The following ATP10B variants were observed in gnomAD, a reference collection of about 807,000 sequenced individuals.
ATP10B encodes the protein phospholipid-transporting ATPase VB.
A neutral mutation model predicts 141.2 loss-of-function variants in ATP10B; 122 were observed. That is an observed-to-expected ratio of 0.86 (90% confidence interval 0.75 to 1.00). ATP10B has a LOEUF of 1.00. Ranked by LOEUF, ATP10B falls within the 50% of genes least tolerant of loss-of-function variation. ATP10B has a pLI of 0.00. For synonymous variants in ATP10B, 685 were observed against 692.0 expected (o/e 0.99, Z 0.16); for missense variants, 1,876 against 1,825.3 (o/e 1.03, Z -0.51).
chr5:160,772,545 G>C (rs1769983331), intron 2 of ATP10B, among the ~76,000 whole-genome samples: 1 of 152,174 alleles, frequency 6.6e-6, no homozygotes, highest in Admixed American at 6.5e-5. Context: ...GGATGGTTTT[G>C]GGATGAAACT....
At chr5:160,890,602 G>A in the ATP10B span, among the ~76,000 whole-genome samples, 477 of 152,264 alleles carry the variant, frequency 3.1e-3, 5 homozygotes, top group African/African-American at 0.011. Context: ...CTCTGTAGCA[G>A]GCATCAGAAC....
At chr5:160,705,566 C>T (rs1486456336) in intron 3 of ATP10B, among the ~76,000 whole-genome samples, 1 of 152,142 alleles carries the variant, frequency 6.6e-6, no homozygotes. Flanking sequence ...CCAGCCCCAA[C>T]TTTTCTTCTG....
chr5:160,746,300 G>A (rs183060521), intron 2 of ATP10B, among the ~76,000 whole-genome samples: 80 of 152,324 alleles, frequency 5.3e-4, no homozygotes, highest in African/African-American at 1.7e-3. Context: ...ATTATTCAGC[G>A]TTAGGCTGGG....
At chr5:160,845,963 T>C (rs1679074263) in intron 1 of ATP10B, among the ~76,000 whole-genome samples, 1 of 152,204 alleles carries the variant, frequency 6.6e-6, no homozygotes, top group African/African-American at 2.4e-5. Flanking sequence ...CCATCTGTGG[T>C]CTTTCTTTTA....
At chr5:160,858,124 G>GT in the ATP10B span, among the ~76,000 whole-genome samples, 3 of 151,666 alleles carry the variant, frequency 2.0e-5, no homozygotes, top group African/African-American at 7.3e-5. Flanking sequence ...AGTCATATTG[G>GT]TTTTTGTTTT....
the ATP10B span, among the ~76,000 whole-genome samples, chr5:160,862,582 T>C: frequency 2.0e-5 from 3 of 151,986 alleles, no homozygotes; most frequent in African/African-American, 7.2e-5. Context: ...TTATAAAGCC[T>C]TTCATGTCAC....
Position 160,622,404 on chromosome 5 carries a change from G to C in ATP10B, c.1802C>G (p.Pro601Arg), listed in dbSNP as rs1281639440. ...ATCGCTGGTCCTTACCCTCTGCCTG[G>C]GCTCGGTGGTTGTGGACACCATGAC... ...NSVMVSTTTE[P>R]RQRVTIKPSS... The change falls in exon 14 of 26, where the codon CCC becomes CGC. Residue 601 changes from proline to arginine, a missense_variant. By Grantham distance (103) the Pro-to-Arg change is moderately radical (BLOSUM62 -2). Coordinates refer to ENST00000327245, the MANE Select transcript of ATP10B (RefSeq NM_025153.3). 1.9e-6 allele frequency: 3 copies of C among 1,612,552 alleles called. No individual in the cohort carries two copies. In the Admixed American group the frequency reaches 5.0e-5, roughly 27 times the overall value.
the ATP10B span, among the ~76,000 whole-genome samples, chr5:160,900,909 T>TTTG: frequency 1.3e-4 from 1 of 7,634 alleles, no homozygotes; most frequent in South Asian, 4.7e-3. Flanking sequence ...GGTAGAGAAG[T>TTTG]TTTTTTTTTT....
the ATP10B span, among the ~76,000 whole-genome samples, chr5:160,862,138 A>T: frequency 6.6e-6 from 1 of 151,962 alleles, no homozygotes; most frequent in Admixed American, 6.6e-5. Context: ...TTCTGTGTCA[A>T]CTTAGCTAGG....
the ATP10B span, among the ~76,000 whole-genome samples, chr5:160,904,909 G>C: frequency 6.6e-6 from 1 of 152,216 alleles, no homozygotes; most frequent in East Asian, 1.9e-4. Context: ...AGGGGATTTG[G>C]AGAATATTGA....
At chr5:160,581,825 G>A (rs963036666) in intron 24 of ATP10B, among the ~76,000 whole-genome samples, 2 of 152,182 alleles carry the variant, frequency 1.3e-5, no homozygotes, top group African/African-American at 4.8e-5. Context: ...TTATGAATCT[G>A]GGTGCCCTGT....
chr5:160,927,070 C>T, the ATP10B span, among the ~76,000 whole-genome samples: 1 of 152,148 alleles, frequency 6.6e-6, no homozygotes, highest in Non-Finnish European at 1.5e-5. Context: ...ACAGAGGGAA[C>T]AACATAAGAA....
chr5:160,596,772 G>C (rs1477875748), intron 22 of ATP10B, among the ~76,000 whole-genome samples: 2 of 152,028 alleles, frequency 1.3e-5, no homozygotes, highest in Non-Finnish European at 2.9e-5. Flanking sequence ...GAGCCAAATC[G>C]TGAATGAACT....
chr5:160,568,567 C>G (rs1000324597), intron 25 of ATP10B, among the ~76,000 whole-genome samples: 1 of 152,212 alleles, frequency 6.6e-6, no homozygotes, highest in African/African-American at 2.4e-5. Context: ...GTTCACTGCT[C>G]TGACTAGAGA....
At chr5:160,617,612 G>C (rs559121663) in intron 16 of ATP10B, among the ~76,000 whole-genome samples, 9 of 152,306 alleles carry the variant, frequency 5.9e-5, no homozygotes, top group African/African-American at 2.2e-4. Flanking sequence ...GTCATGAGTT[G>C]TGTGTTACCC....
intron 24 of ATP10B, among the ~76,000 whole-genome samples, chr5:160,584,126 G>A (rs1224282884): frequency 6.6e-6 from 1 of 152,110 alleles, no homozygotes; most frequent in African/African-American, 2.4e-5. Flanking sequence ...TGCCCAAACG[G>A]CCACCCAGCT....
intron 1 of ATP10B, among the ~76,000 whole-genome samples, chr5:160,829,348 G>T (rs957373036): frequency 1.3e-5 from 2 of 152,052 alleles, no homozygotes; most frequent in Non-Finnish European, 2.9e-5. Context: ...ATGCTGTTTT[G>T]GTTACTGCAC....
chr5:160,650,800 G>A (rs1426304793), intron 7 of ATP10B, among the ~76,000 whole-genome samples: 1 of 152,106 alleles, frequency 6.6e-6, no homozygotes, highest in East Asian at 1.9e-4. Context: ...AGTTGGTCTG[G>A]CAATAACTTC....
the ATP10B span, among the ~76,000 whole-genome samples, chr5:160,904,270 T>C: frequency 6.6e-6 from 1 of 152,176 alleles, no homozygotes; most frequent in African/African-American, 2.4e-5. Flanking sequence ...GGTTTCCACT[T>C]CCTAGCTAGG....
Sources: gnomAD v4.1 joint callset for allele counts (sites outside exome capture counted in the v4.1 genomes callset) on GRCh38, gnomAD v4.1.1 for gene constraint, MANE v1.5 for transcripts, NCBI Gene and HGNC (gene_info 2026-07-23, HGNC 2026-07-21) for gene names.